PIAS1: variants seen among roughly 807,000 people sequenced by gnomAD.
PIAS1 encodes E3 SUMO-protein ligase PIAS1.
Under a neutral mutation model 71.3 loss-of-function variants are expected in PIAS1, and 6 were observed. The ratio of observed to expected loss-of-function variants is 0.08; its 90% confidence interval spans 0.05 to 0.17. PIAS1 has a LOEUF of 0.17. Among genes scored for constraint, PIAS1 ranks in the 10% least tolerant of loss-of-function variants. The pLI, the probability that PIAS1 is intolerant of heterozygous loss-of-function variation, is 1.00. For missense variants in PIAS1, 555 were observed against 793.6 expected (o/e 0.70, Z 3.61); for synonymous variants, 303 against 292.9 (o/e 1.03, Z -0.35).
At position 68,189,684 on chromosome 15, in the gene PIAS1, CAA is replaced by C. The variant is rs936224616; in HGVS notation, c.*1850_*1851del. 33 of 151,866 alleles carry C rather than the reference CAA, an allele frequency of 2.2e-4. No homozygotes were observed. The highest frequency in any genetic ancestry group is 7.7e-4 in the African/African-American group (32 of 41,342). 9.4% of individuals were successfully genotyped at this position (151,866 alleles called of 1,614,324 possible). On this transcript the variant is annotated 3_prime_UTR_variant, in exon 14 of 14. Transcript: ENST00000249636. ...TTTATAAACAAGTGTGTTTGAGTAA[CAA>C]GTGAGTTTCATAGTCTTCCCCTACG... is the stretch of plus-strand genomic sequence containing the variant.
intron 2 of PIAS1, among the ~76,000 whole-genome samples, chr15:68,132,882 A>G (rs1382403452): frequency 6.6e-6 from 1 of 152,134 alleles, no homozygotes; most frequent in Non-Finnish European, 1.5e-5. Context: ...ATTAACTAGA[A>G]AACTATTAAA....
chr15:68,172,397 G>A (rs966578920), intron 8 of PIAS1, among the ~76,000 whole-genome samples: 6 of 152,122 alleles, frequency 3.9e-5, no homozygotes, highest in African/African-American at 1.4e-4. Flanking sequence ...GTCTTTATAA[G>A]TAGCATGATT....
At position 68,185,268 on chromosome 15, in the gene PIAS1, G is replaced by C. The variant is rs2093080567; in HGVS notation, c.1662+1601G>C. Among the ~76,000 whole-genome samples the C allele has an allele frequency of 6.6e-6, 1 of 152,112 alleles. No individual in the cohort carries two copies. The highest frequency in any genetic ancestry group is 1.5e-5 in the Non-Finnish European group (1 of 68,020). The stretch of plus-strand genomic sequence containing the variant: ...GAGGACACTGATGCAATTCTGGAAG[G>C]TTTACAACAGCTATGACTGCATCAA... On this transcript the variant is annotated intron_variant, in intron 13 of 13. Transcript: ENST00000249636. This position sits in a 1 kb window ranked among gnomAD's most constrained non-coding sequence, Gnocchi z 4.4.
chr15:68,073,101 C>T (rs1221733318), intron 1 of PIAS1, among the ~76,000 whole-genome samples: 2 of 152,134 alleles, frequency 1.3e-5, no homozygotes, highest in East Asian at 1.9e-4. Context: ...CTGCAACCTC[C>T]GCCTCCTGGG....
At chr15:68,081,892 T>C (rs1029639548) in intron 1 of PIAS1, among the ~76,000 whole-genome samples, 2 of 151,324 alleles carry the variant, frequency 1.3e-5, no homozygotes, top group African/African-American at 2.4e-5. Flanking sequence ...TCGACAGTTA[T>C]CAGTTTATGC....
intron 1 of PIAS1, among the ~76,000 whole-genome samples, chr15:68,081,035 T>C (rs562013471): frequency 3.2e-4 from 49 of 152,370 alleles, no homozygotes; most frequent in African/African-American, 1.1e-3. Context: ...TTCTGTTTAG[T>C]TGCAAAAGCC....
intron 2 of PIAS1, among the ~76,000 whole-genome samples, chr15:68,139,366 A>G (rs1466789123): frequency 6.6e-6 from 1 of 152,224 alleles, no homozygotes; most frequent in Admixed American, 6.5e-5. Context: ...AATGAATGGA[A>G]AGGTTGAAAG....
chr15:68,165,558 T>C (rs1467771989), intron 8 of PIAS1, among the ~76,000 whole-genome samples: 3 of 152,234 alleles, frequency 2.0e-5, no homozygotes. Context: ...GCCTAAATGC[T>C]GAATTTGTTA....
chr15:68,083,023 T>G (rs2092242788), intron 1 of PIAS1, among the ~76,000 whole-genome samples: 2 of 152,178 alleles, frequency 1.3e-5, no homozygotes, highest in Non-Finnish European at 2.9e-5. Context: ...TCCCCTAGGA[T>G]TCTGAGATCT....
In PIAS1 at chr15:68,065,756, T is replaced by TTC. The variant is rs1454121077; in HGVS notation, c.24+11407_24+11408insCT. On this transcript the variant is annotated intron_variant, in intron 1 of 13. Coordinates refer to ENST00000249636, the MANE Select transcript of PIAS1 (RefSeq NM_016166.3). ...AAGTACTTTTTTTTTTTTTTTTTTT[T>TTC]TGGAGACAGGGTCTCCCTCTCTTGC... is the stretch of plus-strand genomic sequence containing the variant. Among the ~76,000 whole-genome samples, 55 of 144,090 alleles carry TTC rather than the reference T, an allele frequency of 3.8e-4. 1 individual carries two copies. Among genetic ancestry groups the TTC allele is most frequent in the Non-Finnish European group, 8.1e-4 (54 of 66,412 alleles). 94.5% of individuals were successfully genotyped at this position (144,090 alleles called of 152,430 possible).
chr15:68,168,169 C>T (rs544367205), intron 8 of PIAS1, among the ~76,000 whole-genome samples: 4 of 151,088 alleles, frequency 2.6e-5, no homozygotes, highest in Admixed American at 6.6e-5. Flanking sequence ...TCACCACGCC[C>T]GGCTAATTTT....
intron 1 of PIAS1, among the ~76,000 whole-genome samples, chr15:68,056,384 G>A (rs2091896547): frequency 6.6e-6 from 1 of 152,158 alleles, no homozygotes; most frequent in African/African-American, 2.4e-5. Flanking sequence ...TGTGAGTCTT[G>A]TTAGGTAAAG....
intron 8 of PIAS1, among the ~76,000 whole-genome samples, chr15:68,170,408 A>G (rs1157883392): frequency 6.6e-6 from 1 of 152,182 alleles, no homozygotes; most frequent in Admixed American, 6.5e-5. Flanking sequence ...GTACCTAAAC[A>G]TAGAAAAGGT....
At chr15:68,071,321 A>G (rs575431578) in intron 1 of PIAS1, among the ~76,000 whole-genome samples, 10 of 146,092 alleles carry the variant, frequency 6.8e-5, no homozygotes, top group Non-Finnish European at 1.3e-4. Context: ...GGTTTAAGCA[A>G]TTCTCTGCTT....
intron 1 of PIAS1, among the ~76,000 whole-genome samples, chr15:68,058,781 A>G (rs2091924620): frequency 6.6e-6 from 1 of 152,142 alleles, no homozygotes; most frequent in South Asian, 2.1e-4. Context: ...TAATCCCAAC[A>G]CTCAGAGATA....
chr15:68,145,249 C>T (rs1040878931), intron 4 of PIAS1, among the ~76,000 whole-genome samples: 1 of 151,984 alleles, frequency 6.6e-6, no homozygotes, highest in Non-Finnish European at 1.5e-5. Flanking sequence ...CTTCAGTTCT[C>T]AAAAAATAAG....
At chr15:68,172,737 G>A (rs2092999285) in intron 8 of PIAS1, among the ~76,000 whole-genome samples, 1 of 152,222 alleles carries the variant, frequency 6.6e-6, no homozygotes, top group Admixed American at 6.5e-5. Flanking sequence ...TAGTGATGTG[G>A]TACCTCCCTG....
chr15:68,077,585 C>T (rs2092181462), intron 1 of PIAS1, among the ~76,000 whole-genome samples: 1 of 152,186 alleles, frequency 6.6e-6, no homozygotes, highest in South Asian at 2.1e-4. Context: ...TTAGCAGAGG[C>T]TGGGGGCCCA....
At chr15:68,108,439 C>T (rs2092491552) in intron 2 of PIAS1, among the ~76,000 whole-genome samples, 1 of 152,086 alleles carries the variant, frequency 6.6e-6, no homozygotes, top group Non-Finnish European at 1.5e-5. Context: ...TCATGCTAGT[C>T]ATTTCTTCTT....
Sources: allele counts gnomAD v4.1 joint callset (sites outside exome capture counted in the v4.1 genomes callset), GRCh38; gene constraint gnomAD v4.1.1; non-coding constraint Gnocchi (gnomAD v3.1); transcripts MANE v1.5; gene names NCBI Gene and HGNC (gene_info 2026-07-23, HGNC 2026-07-21).